DNM3: variants seen among roughly 807,000 people sequenced by gnomAD.
DNM3 encodes dynamin-3.
In DNM3, 47 loss-of-function variants were observed where a neutral mutation model predicts 101.6. The observed-to-expected ratio is 0.46, with a 90% CI of 0.37 to 0.59. DNM3 has a LOEUF of 0.59. Ranked by LOEUF, DNM3 falls within the 20% of genes least tolerant of loss-of-function variation. The pLI, the probability that DNM3 is intolerant of heterozygous loss-of-function variation, is 0.00. For synonymous variants in DNM3, 385 were observed against 387.9 expected (o/e 0.99, Z 0.09); for missense variants, 849 against 1,085.7 (o/e 0.78, Z 3.06).
At chr1:172,033,884 T>G (rs894294718) in intron 6 of DNM3, among the ~76,000 whole-genome samples, 1 of 152,166 alleles carries the variant, frequency 6.6e-6, no homozygotes, top group East Asian at 1.9e-4. Flanking sequence ...TGGTTACAGA[T>G]ATTCCTTCCC....
At chr1:171,843,697 G>A (rs2031630175) in intron 1 of DNM3, among the ~76,000 whole-genome samples, 3 of 152,006 alleles carry the variant, frequency 2.0e-5, no homozygotes, top group Non-Finnish European at 4.4e-5. Flanking sequence ...TACATTCTAG[G>A]TTTTGAAATT....
chr1:172,217,515 A>C (rs538509034), intron 14 of DNM3, among the ~76,000 whole-genome samples: 4 of 144,244 alleles, frequency 2.8e-5, no homozygotes, highest in Middle Eastern at 3.7e-3. Context: ...TCCATTAGAG[A>C]TGTGTTTCCT....
chr1:172,342,109 C>T (rs1012387749), intron 17 of DNM3, among the ~76,000 whole-genome samples: 3 of 151,900 alleles, frequency 2.0e-5, no homozygotes, highest in Non-Finnish European at 4.4e-5. Flanking sequence ...AAAAAAATAG[C>T]AGATGGTGGC....
intron 2 of DNM3, among the ~76,000 whole-genome samples, chr1:171,938,449 C>T (rs1488555543): frequency 6.6e-6 from 1 of 152,054 alleles, no homozygotes; most frequent in Non-Finnish European, 1.5e-5. Context: ...TCAGACAGTT[C>T]TCAAGCACAT....
chr1:172,418,259 TG>T, intron 20 of DNM3: 1 of 1,287,772 alleles, frequency 7.8e-7, no homozygotes, highest in South Asian at 1.2e-5. Context: ...TATTTTGTTT[TG>T]TTTTGTTTTG....
At chr1:172,308,399 G>A (rs762359630) in intron 15 of DNM3, among the ~76,000 whole-genome samples, 21 of 152,144 alleles carry the variant, frequency 1.4e-4, no homozygotes, top group Non-Finnish European at 2.4e-4. Context: ...TCTAGCGGCT[G>A]AGCAATAGCA....
chr1:172,410,477 A>G lies in DNM3; in HGVS notation c.*2636A>G. On this transcript the variant is annotated 3_prime_UTR_variant, in exon 21 of 21. Coordinates refer to ENST00000627582, the MANE Select transcript of DNM3 (RefSeq NM_015569.5). ...TTAGGATTTGGGAAAATAAACTGTA[A>G]ATGTTTATTTGATAGGTAAATATAG... 2 of 984,114 alleles carry G rather than the reference A, an allele frequency of 2.0e-6. No homozygotes were observed. Among genetic ancestry groups the G allele is most frequent in the Non-Finnish European group, 2.4e-6 (2 of 828,764 alleles). The allele number at this position is 984,114 out of a possible 1,614,324, so 61.0% of individuals were successfully genotyped here.
intron 17 of DNM3, among the ~76,000 whole-genome samples, chr1:172,374,034 C>G (rs527299010): frequency 2.2e-4 from 34 of 152,100 alleles, no homozygotes; most frequent in African/African-American, 8.2e-4. Context: ...GGAAGTAGCT[C>G]CCCAACTTTG....
intron 13 of DNM3, among the ~76,000 whole-genome samples, chr1:172,104,595 CT>C (rs959795472): frequency 4.6e-5 from 7 of 151,824 alleles, no homozygotes; most frequent in African/African-American, 1.7e-4. Context: ...AATTTTTTAA[CT>C]TTTTCTTATA....
intron 2 of DNM3, 104 bp from the exon 3 acceptor site, chr1:171,987,552 G>T: frequency 1.7e-6 from 2 of 1,200,632 alleles, no homozygotes; most frequent in South Asian, 1.7e-5. Context: ...CATGAAGGAA[G>T]AAGAGAGAAT....
intron 15 of DNM3, among the ~76,000 whole-genome samples, chr1:172,290,682 A>G (rs1223863661): frequency 6.6e-6 from 1 of 152,176 alleles, no homozygotes; most frequent in African/African-American, 2.4e-5. Context: ...TGTGATAATC[A>G]TCCCAATGAG....
At chr1:172,386,915 T>G (rs940719350) in intron 18 of DNM3, 4 of 502,274 alleles carry the variant, frequency 8.0e-6, no homozygotes, top group African/African-American at 7.7e-5. Context: ...TCCTTCAGTG[T>G]GGACAGCCAA....
At chr1:172,146,648 C>T (rs1284843877) in intron 14 of DNM3, among the ~76,000 whole-genome samples, 1 of 152,094 alleles carries the variant, frequency 6.6e-6, no homozygotes, top group Non-Finnish European at 1.5e-5. Context: ...ATACCAACTC[C>T]ATTCTTTTCA....
rs140007960 is a variant in DNM3 at position 172,252,510 on chromosome 1, G to A, written c.1660-1063G>A. ...GTATTTCCCATGGGCATTAATAGTC[G>A]TTTATTAAAAGTTATGACTAAGTCT... On this transcript the variant is annotated intron_variant, in intron 14 of 20. Transcript: ENST00000627582. Among the ~76,000 whole-genome samples, 1,052 of 152,222 alleles carry A rather than the reference G, an allele frequency of 6.9e-3. 4 individuals are homozygous for A. The highest frequency in any genetic ancestry group is 0.022 in the African/African-American group (919 of 41,550).
chr1:172,032,526 CTTTTTTTTTTTTTTTTTT>C (rs750270768), intron 5 of DNM3, 26 bp downstream of exon 5: 8 of 360,786 alleles, frequency 2.2e-5, no homozygotes, highest in Middle Eastern at 1.0e-3. Flanking sequence ...CTATACAAGA[CTTTTTTTTTTTTTTTTTT>C]TTTTTTTTTT....
intron 14 of DNM3, among the ~76,000 whole-genome samples, chr1:172,209,973 A>G (rs908731030): frequency 6.6e-6 from 1 of 152,142 alleles, no homozygotes; most frequent in Non-Finnish European, 1.5e-5. Context: ...TAATAATTAC[A>G]TAATAATAAT....
chr1:172,323,457 C>A, intron 17 of DNM3, 117 bp downstream of exon 17: 1 of 1,261,604 alleles, frequency 7.9e-7, no homozygotes, highest in Non-Finnish European at 1.1e-6. Context: ...TTACAGTGCA[C>A]GAATTATATG....
intron 11 of DNM3, 71 bp from the exon 12 acceptor site, chr1:172,081,761 G>A: frequency 1.7e-6 from 2 of 1,208,212 alleles, no homozygotes; most frequent in African/African-American, 3.0e-5. Flanking sequence ...TAATTTGTGG[G>A]CAATTACTGA....
intron 15 of DNM3, among the ~76,000 whole-genome samples, chr1:172,283,233 G>C (rs1358856340): frequency 6.6e-6 from 1 of 151,988 alleles, no homozygotes; most frequent in Non-Finnish European, 1.5e-5. Context: ...ATCTTCCCTT[G>C]GCCTTTTAGC....
Sources: allele counts gnomAD v4.1 joint callset (sites outside exome capture counted in the v4.1 genomes callset), GRCh38; gene constraint gnomAD v4.1.1; transcripts MANE v1.5; gene names NCBI Gene and HGNC (gene_info 2026-07-23, HGNC 2026-07-21).